The following PDE1C variants were observed in gnomAD, a reference collection of about 807,000 sequenced individuals.
PDE1C encodes dual specificity calcium/calmodulin-dependent 3',5'-cyclic nucleotide phosphodiesterase 1C.
A neutral mutation model predicts 93.1 loss-of-function variants in PDE1C; 62 were observed. That is an observed-to-expected ratio of 0.67 (90% confidence interval 0.54 to 0.82). The LOEUF (loss-of-function observed/expected upper bound fraction) is 0.82. Ranked by LOEUF, PDE1C falls within the 40% of genes least tolerant of loss-of-function variation. The pLI, the probability that PDE1C is intolerant of heterozygous loss-of-function variation, is 0.00. For missense variants in PDE1C, 742 were observed against 884.6 expected (o/e 0.84, Z 2.04); for synonymous variants, 325 against 310.1 (o/e 1.05, Z -0.50).
At chr7:32,000,563 C>T (rs1166858610) in intron 2 of PDE1C, among the ~76,000 whole-genome samples, 1 of 152,156 alleles carries the variant, frequency 6.6e-6, no homozygotes, top group African/African-American at 2.4e-5. Context: ...TCACTCAGTT[C>T]CTGAGCTACT....
chr7:31,997,745 T>G (rs13306873), intron 2 of PDE1C, among the ~76,000 whole-genome samples: 35,856 of 152,040 alleles, frequency 0.24, 5,008 homozygotes, highest in Non-Finnish European at 0.32. Flanking sequence ...TAGTGGACCA[T>G]CCCACCTACA....
chr7:32,117,610 C>G, intron 3 of PDE1C, among the ~76,000 whole-genome samples: 1 of 152,194 alleles, frequency 6.6e-6, no homozygotes, highest in East Asian at 1.9e-4. Context: ...TACACATATA[C>G]ACATGTGCAT....
chr7:31,690,845 CT>C, the PDE1C span, among the ~76,000 whole-genome samples: 29 of 152,216 alleles, frequency 1.9e-4, no homozygotes, highest in East Asian at 5.4e-3. Context: ...ATTTTTGAGC[CT>C]CAGTTTCTTC....
intron 1 of PDE1C, among the ~76,000 whole-genome samples, chr7:32,360,100 C>T (rs969936776): frequency 2.6e-5 from 4 of 152,160 alleles, no homozygotes; most frequent in Admixed American, 2.0e-4. Context: ...CCAGACTCTC[C>T]CTTGGTATTC....
At chr7:32,076,034 G>A (rs914786969), upstream of PDE1C, among the ~76,000 whole-genome samples, 4 of 152,096 alleles carry the variant, frequency 2.6e-5, no homozygotes, top group Non-Finnish European at 4.4e-5. Context: ...AGTCTGGCCT[G>A]GGCTAACCAA....
intron 2 of PDE1C, among the ~76,000 whole-genome samples, chr7:32,197,820 C>T (rs1227875239): frequency 1.3e-5 from 2 of 152,094 alleles, no homozygotes; most frequent in Non-Finnish European, 2.9e-5. Flanking sequence ...TGAAAAGTAA[C>T]TGTTGGGCAC....
chr7:32,071,625 C>A (rs561723347), upstream of PDE1C, among the ~76,000 whole-genome samples: 4 of 152,220 alleles, frequency 2.6e-5, no homozygotes, highest in East Asian at 7.7e-4. Flanking sequence ...GCTGGCTGGG[C>A]GGCTGTGGAT....
intron 17 of PDE1C, among the ~76,000 whole-genome samples, chr7:31,754,708 A>G (rs1007630886): frequency 1.3e-5 from 2 of 152,194 alleles, no homozygotes; most frequent in African/African-American, 4.8e-5. Context: ...GAGATGATAA[A>G]AACATCAGAG....
intron 1 of PDE1C, among the ~76,000 whole-genome samples, chr7:32,226,949 G>A (rs1001146047): frequency 6.6e-6 from 1 of 152,154 alleles, no homozygotes; most frequent in Non-Finnish European, 1.5e-5. Flanking sequence ...GGGGCCGTTA[G>A]GAACAGGCAC....
chr7:32,014,705 G>C (rs1230759670), intron 2 of PDE1C, among the ~76,000 whole-genome samples: 4 of 152,138 alleles, frequency 2.6e-5, no homozygotes, highest in Non-Finnish European at 5.9e-5. Context: ...GTGAGAACAT[G>C]CAGTGTTTGG....
At chr7:31,853,878 A>ATTT (rs60293827) in intron 7 of PDE1C, among the ~76,000 whole-genome samples, 3 of 124,534 alleles carry the variant, frequency 2.4e-5, no homozygotes, top group East Asian at 2.4e-4. Context: ...ATGCCCAGCT[A>ATTT]TTTTTTTTTT....
At chr7:31,797,105 G>A (rs1370296817) in intron 16 of PDE1C, among the ~76,000 whole-genome samples, 3 of 151,688 alleles carry the variant, frequency 2.0e-5, no homozygotes, top group South Asian at 2.1e-4. Context: ...TGTTCCACAT[G>A]ACATAAATAT....
intron 1 of PDE1C, among the ~76,000 whole-genome samples, chr7:32,279,705 A>G (rs563690116): frequency 2.6e-5 from 4 of 152,264 alleles, no homozygotes; most frequent in African/African-American, 9.6e-5. Context: ...GAAAATGCTG[A>G]TATGCCAGAA....
At chr7:32,150,319 A>G (rs968631970) in intron 3 of PDE1C, among the ~76,000 whole-genome samples, 10 of 152,186 alleles carry the variant, frequency 6.6e-5, no homozygotes, top group African/African-American at 2.4e-4. Context: ...CCTCAGTGAT[A>G]AAGAGCCTAG....
chr7:32,197,174 G>A (rs550738055), intron 2 of PDE1C, among the ~76,000 whole-genome samples: 30 of 152,138 alleles, frequency 2.0e-4, no homozygotes, highest in South Asian at 4.1e-4. Flanking sequence ...TAAGATACAC[G>A]AGTGGGCAAT....
the PDE1C span, among the ~76,000 whole-genome samples, chr7:31,734,712 A>T: frequency 6.6e-6 from 1 of 152,186 alleles, no homozygotes; most frequent in African/African-American, 2.4e-5. Flanking sequence ...ATCTCATTTC[A>T]AGGCTTGAGA....
At chr7:32,314,688 T>A (rs1304117416) in intron 1 of PDE1C, among the ~76,000 whole-genome samples, 3 of 152,156 alleles carry the variant, frequency 2.0e-5, no homozygotes, top group Non-Finnish European at 2.9e-5. Flanking sequence ...CTTAAATCCC[T>A]GGAGAAGGTA....
rs1015918228 is a variant in PDE1C at position 31,928,439 on chromosome 7, T to C, written c.129-47579A>G. Among the ~76,000 whole-genome samples the C allele has an allele frequency of 3.6e-4, 55 of 152,056 alleles. 1 individual carries two copies. Among genetic ancestry groups the C allele is most frequent in the Non-Finnish European group, 4.4e-5 (3 of 68,018 alleles). On this transcript the variant is annotated intron_variant, in intron 2 of 17. Coordinates refer to ENST00000396191, the MANE Select transcript of PDE1C (RefSeq NM_001191057.4). Reference sequence around the variant, plus strand: ...CTTCAGGAAATACAGAGAACACCACTAAGATACTCCTTAAGAAGAGTAACC... The same window carrying C: ...CTTCAGGAAATACAGAGAACACCACCAAGATACTCCTTAAGAAGAGTAACC...
At chr7:31,672,240 C>G in the PDE1C span, among the ~76,000 whole-genome samples, 2 of 151,944 alleles carry the variant, frequency 1.3e-5, no homozygotes, top group Non-Finnish European at 2.9e-5. Context: ...TACACTTCAC[C>G]AAAAAGAGAA....
Sources: gnomAD v4.1 joint callset for allele counts (sites outside exome capture counted in the v4.1 genomes callset) on GRCh38, gnomAD v4.1.1 for gene constraint, MANE v1.5 for transcripts, NCBI Gene and HGNC (gene_info 2026-07-23, HGNC 2026-07-21) for gene names.